OGDH: variants seen among roughly 807,000 people sequenced by gnomAD.
OGDH encodes oxoglutarate dehydrogenase, also known as 2-oxoglutarate dehydrogenase complex component E1.
A neutral mutation model predicts 116.6 loss-of-function variants in OGDH; 38 were observed. The observed-to-expected ratio is 0.33, with a 90% CI of 0.25 to 0.43. The LOEUF (loss-of-function observed/expected upper bound fraction) is 0.43. OGDH is among the 20% of genes least tolerant of loss of function. The probability of loss-of-function intolerance (pLI) is 1.00; values close to 1 mark genes in which losing one functional copy is unlikely to be tolerated. For missense variants in OGDH, 825 were observed against 1,357.2 expected (o/e 0.61, Z 6.16); for synonymous variants, 488 against 533.3 (o/e 0.92, Z 1.17).
chr7:44,674,965 TTCTA>T (rs1177776903), intron 7 of OGDH, among the ~76,000 whole-genome samples: 1 of 152,140 alleles, frequency 6.6e-6, no homozygotes, highest in Non-Finnish European at 1.5e-5. Flanking sequence ...TTGCTGCATC[TTCTA>T]TCTTTCTGCT....
intron 10 of OGDH, among the ~76,000 whole-genome samples, chr7:44,691,986 A>T (rs1037973773): frequency 1.2e-4 from 15 of 129,104 alleles, no homozygotes; most frequent in African/African-American, 3.8e-4. Flanking sequence ...TGTCTTAAAA[A>T]AAAAAAAAAA....
At chr7:44,606,871 GC>G (rs996261233) in intron 1 of OGDH, among the ~76,000 whole-genome samples, 1 of 152,120 alleles carries the variant, frequency 6.6e-6, no homozygotes, top group African/African-American at 2.4e-5. Flanking sequence ...GAGCCGCGGG[GC>G]CTGCCCGGCG....
chr7:44,670,957 G>A (rs1787415386), intron 5 of OGDH, among the ~76,000 whole-genome samples: 1 of 144,326 alleles, frequency 6.9e-6, no homozygotes. Flanking sequence ...CTTGCAATGA[G>A]CCGAGATCGT....
chr7:44,695,896 T>C, intron 12 of OGDH, 129 bp from the exon 13 acceptor site: 1 of 632,014 alleles, frequency 1.6e-6, no homozygotes, highest in Non-Finnish European at 2.9e-6. Flanking sequence ...TGGGTGGGCA[T>C]GCACGGGAGT....
At chr7:44,675,114 C>G in intron 7 of OGDH, 64 bp from the exon 8 acceptor site, 1 of 1,315,142 alleles carries the variant, frequency 7.6e-7, no homozygotes, top group Non-Finnish European at 1.1e-6. Flanking sequence ...TTGTAACACC[C>G]TCATCTGCCA....
At chr7:44,621,661 C>T (rs181204687) in intron 1 of OGDH, among the ~76,000 whole-genome samples, 3 of 152,198 alleles carry the variant, frequency 2.0e-5, no homozygotes, top group South Asian at 2.1e-4. Context: ...ATCATGAGGT[C>T]AGGAGTTTGA....
chr7:44,697,314 C>T lies in OGDH; in HGVS notation c.2052-56C>T, dbSNP rs937687146. Reference sequence around the variant, plus strand: ...GCTGGTGCTTCGTGCGGGTCCCCAGCGTATTTGCTTGTCAAGTCAGAGCTC... The same window carrying T: ...GCTGGTGCTTCGTGCGGGTCCCCAGTGTATTTGCTTGTCAAGTCAGAGCTC... On this transcript the variant is annotated intron_variant, in intron 15 of 22. Transcript: ENST00000222673. The surrounding 1 kb of genome is among the most constrained non-coding windows in gnomAD (Gnocchi z 6.0). 2.7e-5 allele frequency: 44 copies of T among 1,607,490 alleles called. No individual in the cohort carries two copies. The highest frequency in any genetic ancestry group is 3.4e-5 in the Non-Finnish European group (40 of 1,175,484).
intron 20 of OGDH, among the ~76,000 whole-genome samples, chr7:44,703,722 A>T (rs1464177655): frequency 2.6e-5 from 4 of 151,704 alleles, no homozygotes; most frequent in Non-Finnish European, 2.9e-5. Flanking sequence ...TCTCAAAAAA[A>T]ATAAATAAAT....
intron 10 of OGDH, among the ~76,000 whole-genome samples, chr7:44,692,114 A>C (rs1026064676): frequency 2.0e-4 from 30 of 152,176 alleles, no homozygotes; most frequent in African/African-American, 6.5e-4. Flanking sequence ...GAGCATTTAG[A>C]AAAATTTTAA....
chr7:44,672,935 C>T (rs750238102), intron 5 of OGDH, among the ~76,000 whole-genome samples: 1 of 152,200 alleles, frequency 6.6e-6, no homozygotes, highest in African/African-American at 2.4e-5. Flanking sequence ...GCCACCGCGC[C>T]TGGCCCCGAG....
chr7:44,645,565 T>A, intron 3 of OGDH, 47 bp downstream of exon 3: 1 of 1,580,930 alleles, frequency 6.3e-7, no homozygotes, highest in South Asian at 1.1e-5. Flanking sequence ...GCAGTGTTCC[T>A]TAGGTCATGC....
At chr7:44,627,488 T>A (rs1005048878) in intron 2 of OGDH, among the ~76,000 whole-genome samples, 1 of 152,208 alleles carries the variant, frequency 6.6e-6, no homozygotes, top group African/African-American at 2.4e-5. Context: ...GCTGTAGGAT[T>A]TAGATAGATC....
intron 18 of OGDH, among the ~76,000 whole-genome samples, 168 bp downstream of exon 18, chr7:44,698,431 C>T (rs564958091): frequency 6.6e-6 from 1 of 152,048 alleles, no homozygotes; most frequent in African/African-American, 2.4e-5. Flanking sequence ...TGCTTCTGGG[C>T]GCCCTGGGAT....
At chr7:44,644,082 G>C (rs1263672142) in intron 2 of OGDH, among the ~76,000 whole-genome samples, 5 of 152,134 alleles carry the variant, frequency 3.3e-5, no homozygotes, top group Non-Finnish European at 7.3e-5. Flanking sequence ...GCGTGCTCCT[G>C]TAATCCCCGC....
chr7:44,631,454 A>G (rs1396979817), intron 2 of OGDH, among the ~76,000 whole-genome samples: 1 of 152,082 alleles, frequency 6.6e-6, no homozygotes, highest in East Asian at 1.9e-4. Flanking sequence ...ACCCTCCCCC[A>G]CCGCCACTTG....
chr7:44,644,957 A>C (rs1263411882), intron 2 of OGDH, among the ~76,000 whole-genome samples: 1 of 152,222 alleles, frequency 6.6e-6, no homozygotes, highest in Admixed American at 6.5e-5. Flanking sequence ...AGGCTGAGAC[A>C]GTAAGTGTCT....
At chr7:44,652,661 A>C (rs553041098) in intron 4 of OGDH, among the ~76,000 whole-genome samples, 304 of 152,112 alleles carry the variant, frequency 2.0e-3, no homozygotes, top group African/African-American at 7.0e-3. Context: ...TTGGCCTTTC[A>C]GAGTGCTAGA....
At chr7:44,682,954 C>T (rs1585358489) in intron 10 of OGDH, among the ~76,000 whole-genome samples, 1 of 152,100 alleles carries the variant, frequency 6.6e-6, no homozygotes, top group African/African-American at 2.4e-5. Flanking sequence ...CGAGACCATC[C>T]TGGCTACCAC....
intron 1 of OGDH, among the ~76,000 whole-genome samples, chr7:44,614,924 G>A (rs534065233): frequency 4.7e-5 from 7 of 149,198 alleles, no homozygotes; most frequent in Admixed American, 4.1e-4. Context: ...GCAACCTCCT[G>A]GGTTCAAGCG....
Sources: gnomAD v4.1 joint callset for allele counts (sites outside exome capture counted in the v4.1 genomes callset) on GRCh38, gnomAD v4.1.1 for gene constraint, Gnocchi (gnomAD v3.1) non-coding constraint, MANE v1.5 for transcripts, NCBI Gene and HGNC (gene_info 2026-07-23, HGNC 2026-07-21) for gene names.